PATJ: variants seen among roughly 807,000 people sequenced by gnomAD.
PATJ encodes the protein PATJ crumbs cell polarity complex component, also known as inaD-like protein.
In PATJ, 190 loss-of-function variants were observed where a neutral mutation model predicts 224.9. That is an observed-to-expected ratio of 0.84 (90% CI 0.75 to 0.95). The LOEUF is 0.95. Ranked by LOEUF, PATJ falls within the 40% of genes least tolerant of loss-of-function variation. PATJ has a pLI of 0.00. For missense variants in PATJ, 2,121 were observed against 2,270.3 expected (o/e 0.93, Z 1.34); for synonymous variants, 769 against 820.3 (o/e 0.94, Z 1.07).
chr1:62,058,412 T>G (rs2148626788), intron 31 of PATJ, among the ~76,000 whole-genome samples: 1 of 152,330 alleles, frequency 6.6e-6, no homozygotes, highest in Non-Finnish European at 1.5e-5. Flanking sequence ...CGTCACGTGT[T>G]ACAAATAACA....
chr1:61,798,918 T>C (rs1651896338), intron 11 of PATJ, among the ~76,000 whole-genome samples: 1 of 152,026 alleles, frequency 6.6e-6, no homozygotes. Flanking sequence ...GTTGTATAAC[T>C]AGGGAGTAAG....
At chr1:61,834,548 T>G (rs1342621530) in intron 17 of PATJ, among the ~76,000 whole-genome samples, 1 of 152,116 alleles carries the variant, frequency 6.6e-6, no homozygotes, top group African/African-American at 2.4e-5. Context: ...TGCCAAGAAA[T>G]CTCTTAACTT....
intron 24 of PATJ, among the ~76,000 whole-genome samples, chr1:61,905,752 T>C (rs1363472418): frequency 1.3e-5 from 2 of 152,104 alleles, no homozygotes. Flanking sequence ...TTACCAACCT[T>C]TTCCCTTTAC....
rs1329664324 is a variant in PATJ, at chr1:62,153,481, G to T, written c.5502G>T (p.Lys1834Asn). The T allele has an allele frequency of 8.1e-7, 1 of 1,230,876 alleles. No individual in the cohort carries two copies. Among genetic ancestry groups the T allele is most frequent in the African/African-American group, 1.6e-5 (1 of 64,352 alleles). 76.2% of individuals were successfully genotyped at this position (1,230,876 alleles called of 1,614,324 possible). ...LPIYVKTVFA[K>N]GAAADDGRLK... ...TTTATGTCAAGACTGTATTTGCAAA[G>T]GTATATCTTCTTTTTTAATGTACTT... Residue 1834 changes from lysine to asparagine, a missense_variant and splice_region_variant, in exon 43 of 44, where the codon AAG becomes AAT. Coordinates refer to ENST00000642238, the MANE Select transcript of PATJ (RefSeq NM_001350145.3).
chr1:62,096,014 G>T (rs1405046006), intron 33 of PATJ, among the ~76,000 whole-genome samples: 1 of 152,062 alleles, frequency 6.6e-6, no homozygotes, highest in Non-Finnish European at 1.5e-5. Context: ...TCGTCTTCTT[G>T]TACTTAGGAA....
intron 28 of PATJ, among the ~76,000 whole-genome samples, chr1:62,006,092 C>A (rs1383899337): frequency 6.6e-6 from 1 of 150,586 alleles, no homozygotes; most frequent in African/African-American, 2.4e-5. Flanking sequence ...GTATACATTT[C>A]TTTTCTTTTT....
chr1:61,984,155 A>AT (rs1412035405), intron 27 of PATJ, among the ~76,000 whole-genome samples: 3 of 131,558 alleles, frequency 2.3e-5, no homozygotes, highest in African/African-American at 9.2e-5. Context: ...CTCAATTATT[A>AT]TTATTATTAT....
intron 14 of PATJ, among the ~76,000 whole-genome samples, chr1:61,821,900 A>T (rs1416887382): frequency 1.3e-5 from 2 of 152,204 alleles, no homozygotes; most frequent in African/African-American, 4.8e-5. Context: ...ACCAACAAAG[A>T]TGGGTGCAAC....
intron 33 of PATJ, among the ~76,000 whole-genome samples, chr1:62,094,228 C>T (rs901234689): frequency 3.2e-4 from 48 of 152,078 alleles, no homozygotes; most frequent in African/African-American, 1.1e-3. Context: ...GACCCTGTCT[C>T]TACAAAAAAT....
At chr1:62,048,248 CAA>C (rs1296445992) in intron 30 of PATJ, among the ~76,000 whole-genome samples, 1 of 151,866 alleles carries the variant, frequency 6.6e-6, no homozygotes, top group African/African-American at 2.4e-5. Context: ...CACATGGAAA[CAA>C]AGAAAGAAAG....
intron 31 of PATJ, among the ~76,000 whole-genome samples, chr1:62,056,698 T>C (rs1184752968): frequency 6.6e-6 from 1 of 152,128 alleles, no homozygotes; most frequent in Non-Finnish European, 1.5e-5. Context: ...GGAGAATCAC[T>C]TGAACCCCAG....
At chr1:62,004,873 A>G (rs17122901) in intron 28 of PATJ, among the ~76,000 whole-genome samples, 3,482 of 152,292 alleles carry the variant, frequency 0.023, 84 homozygotes, top group African/African-American at 0.056. Flanking sequence ...AAACCCACAC[A>G]GAAACTTTTA....
intron 11 of PATJ, among the ~76,000 whole-genome samples, chr1:61,799,035 G>C (rs899918005): frequency 3.4e-4 from 52 of 152,080 alleles, no homozygotes; most frequent in Admixed American, 3.4e-3. Context: ...ATAGTGATTT[G>C]TATTTAAATT....
chr1:61,986,063 A>C (rs1283322865), intron 27 of PATJ, among the ~76,000 whole-genome samples: 1 of 151,980 alleles, frequency 6.6e-6, no homozygotes, highest in African/African-American at 2.4e-5. Context: ...TAATTGGTCC[A>C]AGGAATCAGA....
Position 61,973,587 on chromosome 1 carries a change from G to T in PATJ, c.3671-16581G>T, listed in dbSNP as rs183382523. ...GTGCCACTGCTGATGACCACGATCTGATGTGGTGCGGAGCTCTTGTTGAGC... is the reference window on the plus strand; with the variant it reads ...GTGCCACTGCTGATGACCACGATCTTATGTGGTGCGGAGCTCTTGTTGAGC... On this transcript the variant is annotated intron_variant, in intron 27 of 43. Coordinates refer to ENST00000642238, the MANE Select transcript of PATJ (RefSeq NM_001350145.3). Among the ~76,000 whole-genome samples the T allele has an allele frequency of 2.6e-4, 40 of 152,074 alleles. 1 individual carries two copies. The highest frequency in any genetic ancestry group is 3.4e-3 in the Middle Eastern group (1 of 294).
At chr1:62,127,700 A>T (rs11581478) in intron 39 of PATJ, among the ~76,000 whole-genome samples, 1 of 152,118 alleles carries the variant, frequency 6.6e-6, no homozygotes, top group East Asian at 1.9e-4. Context: ...CTAGCTACTC[A>T]GGAGGCTGAG....
intron 27 of PATJ, among the ~76,000 whole-genome samples, chr1:61,968,742 A>G (rs951302084): frequency 2.6e-5 from 4 of 151,776 alleles, no homozygotes; most frequent in Non-Finnish European, 1.5e-5. Flanking sequence ...CCCGTGTGTG[A>G]TGTTCCCCAC....
intron 33 of PATJ, among the ~76,000 whole-genome samples, chr1:62,094,370 G>T (rs1211610042): frequency 2.0e-5 from 3 of 151,962 alleles, no homozygotes; most frequent in Non-Finnish European, 4.4e-5. Context: ...CTCCAGCGTG[G>T]GTGACAAAGT....
intron 27 of PATJ, among the ~76,000 whole-genome samples, chr1:61,949,462 T>G: frequency 6.6e-6 from 1 of 152,226 alleles, no homozygotes; most frequent in East Asian, 1.9e-4. Context: ...GAGTGAATTT[T>G]ATAGTGTGCA....
Sources: allele counts gnomAD v4.1 joint callset (sites outside exome capture counted in the v4.1 genomes callset), GRCh38; gene constraint gnomAD v4.1.1; transcripts MANE v1.5; gene names NCBI Gene and HGNC (gene_info 2026-07-23, HGNC 2026-07-21).